Variants in MOCOS observed in about 807,000 individuals in gnomAD.
MOCOS encodes the protein molybdenum cofactor sulfurase.
MOCOS carries 86 observed loss-of-function variants against 83.6 expected under a neutral mutation model. That is an observed-to-expected ratio of 1.03 (90% confidence interval 0.86 to 1.23). MOCOS has a LOEUF of 1.23. MOCOS is among the 50% of genes most tolerant of loss of function. The pLI is 0.00. For synonymous variants in MOCOS, 445 were observed against 434.7 expected (o/e 1.02, Z -0.29); for missense variants, 1,120 against 1,126.9 (o/e 0.99, Z 0.09).
rs1246678957 is a variant in MOCOS, at chr18:36,198,757, G to C, written c.299+1G>C. 1 of 1,614,076 alleles carries C rather than the reference G, an allele frequency of 6.2e-7. No individual in the cohort carries two copies. Among genetic ancestry groups the C allele is most frequent in the Non-Finnish European group, 8.5e-7 (1 of 1,179,944 alleles). ...ACACTGTGGAGCAGGTGCGCTACAG[G>C]TAAGCATCAGGGACACCTGCCTGAC... is the stretch of plus-strand genomic sequence containing the variant. On this transcript the variant is annotated splice_donor_variant, in intron 3 of 14. Transcript: ENST00000261326. LOFTEE classifies it high-confidence loss of function.
At chr18:36,268,505 TTTG>T (rs750060426) in intron 14 of MOCOS, 25 bp from the exon 15 acceptor site, 12 of 1,613,894 alleles carry the variant, frequency 7.4e-6, no homozygotes, top group South Asian at 2.2e-5. Context: ...TCTAGCCTTT[TTTG>T]TTGTTGTTGC....
chr18:36,188,182 G>A (rs886617258), intron 1 of MOCOS, among the ~76,000 whole-genome samples: 1 of 152,228 alleles, frequency 6.6e-6, no homozygotes, highest in African/African-American at 2.4e-5. Flanking sequence ...CCGAGGCTGC[G>A]CTCTGCAGAC....
rs1195920643 is a variant in MOCOS at position 36,198,773 on chromosome 18, C to G, written c.299+17C>G. 1 of 1,613,124 alleles carries G rather than the reference C, an allele frequency of 6.2e-7. No individual in the cohort carries two copies. The stretch of plus-strand genomic sequence containing the variant: ...GCGCTACAGGTAAGCATCAGGGACA[C>G]CTGCCTGACTGGGCATACCTAGGCA... On this transcript the variant is annotated intron_variant, in intron 3 of 14. Coordinates refer to ENST00000261326, the MANE Select transcript of MOCOS (RefSeq NM_017947.4).
At position 36,256,990 on chromosome 18, in the gene MOCOS, C is replaced by T; in HGVS notation, c.2187C>T (p.Ala729=). 6.2e-7 allele frequency: 1 copy of T among 1,614,098 alleles called. No individual in the cohort carries two copies. Among genetic ancestry groups the T allele is most frequent in the Non-Finnish European group, 8.5e-7 (1 of 1,179,986 alleles). Residue 729 remains alanine, a synonymous_variant, in exon 12 of 15, where the codon GCC becomes GCT. Transcript: ENST00000261326. ...HGKDQLPGTM[A]TLSLVNEAQY... is the part of the protein sequence containing the mutation. ...CAGATCAACTTCCTGGTACAATGGC[C>T]ACCCTTTCTCTGGTGAATGAGGCAC...
At position 36,200,012 on chromosome 18, in the gene MOCOS, G is replaced by T; in HGVS notation, c.629G>T (p.Arg210Ile). 1 of 1,614,224 alleles carries T rather than the reference G, an allele frequency of 6.2e-7. No individual in the cohort carries two copies. The highest frequency in any genetic ancestry group is 2.2e-5 in the East Asian group (1 of 44,882). ...YPAQSNFSGV[R>I]YPLSWIEEVK... The stretch of plus-strand genomic sequence containing the variant: ...GCTCAGAGTAACTTTTCTGGAGTCA[G>T]ATACCCCCTGTCCTGGATAGAAGAG... Residue 210 changes from arginine (R) to isoleucine (I), a missense_variant, in exon 4 of 15, where the codon AGA becomes ATA. By Grantham distance (97) the Arg-to-Ile change is moderately conservative. Transcript: ENST00000261326.
At chr18:36,214,666 C>T (rs1302097199) in intron 7 of MOCOS, among the ~76,000 whole-genome samples, 1 of 151,906 alleles carries the variant, frequency 6.6e-6, no homozygotes, top group Non-Finnish European at 1.5e-5. Context: ...ACTGTATATA[C>T]TAGATCTCAA....
At chr18:36,242,924 T>G (rs2091589188) in intron 9 of MOCOS, among the ~76,000 whole-genome samples, 1 of 152,244 alleles carries the variant, frequency 6.6e-6, no homozygotes, top group African/African-American at 2.4e-5. Context: ...TGTTTCCATT[T>G]GTTTGTGTCA....
intron 9 of MOCOS, among the ~76,000 whole-genome samples, chr18:36,230,078 G>A (rs1458854242): frequency 6.6e-6 from 1 of 151,978 alleles, no homozygotes; most frequent in Admixed American, 6.6e-5. Flanking sequence ...TGGTGTCTGT[G>A]CATTACTTGT....
chr18:36,260,005 C>G, intron 12 of MOCOS, 32 bp from the exon 13 acceptor site: 1 of 1,613,674 alleles, frequency 6.2e-7, no homozygotes, highest in Non-Finnish European at 8.5e-7. Flanking sequence ...GCCATCCTCC[C>G]CCTACTTACT....
chr18:36,199,511 A>G (rs890439915), intron 3 of MOCOS, among the ~76,000 whole-genome samples, 172 bp from the exon 4 acceptor site: 1 of 152,258 alleles, frequency 6.6e-6, no homozygotes, highest in South Asian at 2.1e-4. Context: ...GATTTTGCCA[A>G]CTGGAACTCG....
chr18:36,216,056 G>GA, intron 8 of MOCOS, 79 bp downstream of exon 8: 3 of 1,395,850 alleles, frequency 2.1e-6, no homozygotes, highest in East Asian at 2.4e-5. Context: ...AGAAAAGCAT[G>GA]AAAAAAATCA....
intron 13 of MOCOS, 83 bp downstream of exon 13, chr18:36,260,258 G>A: frequency 6.4e-7 from 1 of 1,570,928 alleles, no homozygotes; most frequent in South Asian, 1.1e-5. Context: ...ATAGCTGCAG[G>A]TGGGACTCCC....
At position 36,271,131 on chromosome 18, in the gene MOCOS, ATTTCAGACAT is replaced by A. The variant is rs1193303731; in HGVS notation, c.*2450_*2459del. ...TGTGAGCCACTGTGCCCAGCTTTTG[ATTTCAGACAT>A]TTTAATGCAGATCCTCTCCTTTACA... On this transcript the variant is annotated 3_prime_UTR_variant, in exon 15 of 15. Coordinates refer to ENST00000261326, the MANE Select transcript of MOCOS (RefSeq NM_017947.4). 1 of 151,934 alleles carries A rather than the reference ATTTCAGACAT, an allele frequency of 6.6e-6. No homozygotes were observed. Among genetic ancestry groups the A allele is most frequent in the Non-Finnish European group, 1.5e-5 (1 of 67,988 alleles). The allele number at this position is 151,934 out of a possible 1,614,324, so 9.4% of individuals were successfully genotyped here. A position where few individuals can be genotyped will look rare whatever the true frequency, so the allele number is the denominator to read the frequency against.
chr18:36,190,793 C>T (rs1487634736), intron 1 of MOCOS, among the ~76,000 whole-genome samples: 2 of 151,842 alleles, frequency 1.3e-5, no homozygotes, highest in Non-Finnish European at 2.9e-5. Context: ...CTTTCTTTGG[C>T]CAGGTGCAGT....
At chr18:36,231,453 C>T (rs2091537383) in intron 9 of MOCOS, among the ~76,000 whole-genome samples, 1 of 152,164 alleles carries the variant, frequency 6.6e-6, no homozygotes, top group South Asian at 2.1e-4. Context: ...GAACTGTTAC[C>T]TATGCATGTT....
chr18:36,198,588 T>C, intron 2 of MOCOS, 102 bp from the exon 3 acceptor site: 1 of 1,169,828 alleles, frequency 8.5e-7, no homozygotes, highest in Non-Finnish European at 1.3e-6. Flanking sequence ...ATGGTAGTTT[T>C]ATGTTGAGCT....
intron 13 of MOCOS, among the ~76,000 whole-genome samples, chr18:36,263,133 T>C (rs2091669762): frequency 1.3e-5 from 2 of 152,256 alleles, no homozygotes; most frequent in South Asian, 4.1e-4. Flanking sequence ...GCTCAAAAGA[T>C]GTTTGTTGAT....
At chr18:36,191,033 A>AAAAAAAG (rs1208589003) in intron 1 of MOCOS, among the ~76,000 whole-genome samples, 1 of 124,402 alleles carries the variant, frequency 8.0e-6, no homozygotes, top group African/African-American at 3.5e-5. Context: ...AAAAAAAAAG[A>AAAAAAAG]AAAAGAAAAA....
chr18:36,267,354 A>G (rs2091685369), intron 14 of MOCOS, among the ~76,000 whole-genome samples: 1 of 152,192 alleles, frequency 6.6e-6, no homozygotes, highest in South Asian at 2.1e-4. Flanking sequence ...AGAAAGATTT[A>G]TTTTCAGGCT....
Sources: gnomAD v4.1 joint callset for allele counts (sites outside exome capture counted in the v4.1 genomes callset) on GRCh38, gnomAD v4.1.1 for gene constraint, MANE v1.5 for transcripts, NCBI Gene and HGNC (gene_info 2026-07-23, HGNC 2026-07-21) for gene names.